GRM8: variants seen among roughly 807,000 people sequenced by gnomAD.
GRM8 encodes metabotropic glutamate receptor 8.
In GRM8, 47 loss-of-function variants were observed where a neutral mutation model predicts 87.2. The observed-to-expected ratio is 0.54, with a 90% CI of 0.43 to 0.69. The LOEUF (loss-of-function observed/expected upper bound fraction) is 0.69, where lower values mean the gene tolerates loss of function less well. Ranked by LOEUF, GRM8 falls within the 30% of genes least tolerant of loss-of-function variation. GRM8 has a pLI of 0.00. For synonymous variants in GRM8, 396 were observed against 404.5 expected, an observed-to-expected ratio of 0.98 and a Z score of 0.25; for missense variants, 1,019 against 1,139.2, an observed-to-expected ratio of 0.89 and a Z score of 1.52.
chr7:126,856,180 G>A (rs997643006), intron 6 of GRM8, among the ~76,000 whole-genome samples: 1 of 151,646 alleles, frequency 6.6e-6, no homozygotes, highest in African/African-American at 2.4e-5. Flanking sequence ...TATGCAAAAT[G>A]TTACAACTAC....
intron 6 of GRM8, among the ~76,000 whole-genome samples, chr7:126,844,912 G>A (rs1796583659): frequency 1.3e-5 from 2 of 152,288 alleles, no homozygotes; most frequent in South Asian, 2.1e-4. Flanking sequence ...TTGGAGGTTA[G>A]GGCTCCAACA....
Position 127,158,515 on chromosome 7 carries a change from A to G in GRM8, c.511-51803T>C, listed in dbSNP as rs1233893723. Reference sequence around the variant, plus strand: ...TAAACAACAGAAAGTTATTTCTCACAGTTTCAAAGGCAGGGACGTCCAAGA... The same window carrying G: ...TAAACAACAGAAAGTTATTTCTCACGGTTTCAAAGGCAGGGACGTCCAAGA... On this transcript the variant is annotated intron_variant, in intron 2 of 10. Coordinates refer to ENST00000339582, the MANE Select transcript of GRM8 (RefSeq NM_000845.3). Among the ~76,000 whole-genome samples the G allele has an allele frequency of 2.6e-5, 4 of 152,202 alleles. No individual in the cohort carries two copies. The South Asian group carries it at 6.2e-4, about 24-fold the overall frequency.
At chr7:127,024,081 T>C (rs1431825830) in intron 3 of GRM8, among the ~76,000 whole-genome samples, 1 of 152,110 alleles carries the variant, frequency 6.6e-6, no homozygotes, top group East Asian at 1.9e-4. Context: ...AAAGAGGGAA[T>C]TTAGTCAAAT....
At chr7:126,672,593 T>C (rs1390531723) in intron 7 of GRM8, among the ~76,000 whole-genome samples, 1 of 152,152 alleles carries the variant, frequency 6.6e-6, no homozygotes, top group Non-Finnish European at 1.5e-5. Context: ...AACCTTAAAC[T>C]TGTTGGCTCA....
chr7:127,212,420 T>A (rs1796268975), intron 2 of GRM8, among the ~76,000 whole-genome samples: 3 of 126,458 alleles, frequency 2.4e-5, no homozygotes, highest in Admixed American at 7.6e-5. Flanking sequence ...ATTTTTTTTT[T>A]TTTTTTTTTT....
At chr7:127,158,804 CA>C (rs34256368) in intron 2 of GRM8, among the ~76,000 whole-genome samples, 30,770 of 143,718 alleles carry the variant, frequency 0.21, 3,372 homozygotes, top group Middle Eastern at 0.32. Context: ...CCATCTATAC[CA>C]AAAAAAAAAA....
At chr7:126,926,144 GTA>G (rs1033749468) in intron 3 of GRM8, among the ~76,000 whole-genome samples, 4 of 152,106 alleles carry the variant, frequency 2.6e-5, no homozygotes, top group African/African-American at 9.7e-5. Context: ...ATCATACTAT[GTA>G]AGTGTTAAAT....
intron 6 of GRM8, among the ~76,000 whole-genome samples, chr7:126,844,683 C>T (rs928960256): frequency 6.6e-6 from 1 of 152,120 alleles, no homozygotes; most frequent in Non-Finnish European, 1.5e-5. Context: ...CCACCATGGT[C>T]AGGTTCTGGG....
intron 7 of GRM8, among the ~76,000 whole-genome samples, chr7:126,714,959 T>C (rs578036736): frequency 2.6e-4 from 40 of 152,278 alleles, no homozygotes; most frequent in South Asian, 1.2e-3. Context: ...TAAGTGTATG[T>C]CATCTGTTGT....
At chr7:126,828,240 G>A (rs1194803560) in intron 6 of GRM8, among the ~76,000 whole-genome samples, 21 of 150,774 alleles carry the variant, frequency 1.4e-4, no homozygotes, top group South Asian at 4.3e-4. Context: ...ATGAGTTAGG[G>A]AGGATTCCCT....
intron 7 of GRM8, among the ~76,000 whole-genome samples, chr7:126,704,608 C>T (rs916004081): frequency 1.1e-4 from 17 of 152,104 alleles, no homozygotes; most frequent in African/African-American, 4.1e-4. Flanking sequence ...CAGCAAGGAA[C>T]ATCCCTGAGA....
intron 2 of GRM8, among the ~76,000 whole-genome samples, chr7:127,213,191 G>A (rs1178828120): frequency 2.6e-5 from 4 of 152,148 alleles, no homozygotes; most frequent in Admixed American, 1.3e-4. Flanking sequence ...CCGAATGCCT[G>A]GAACTTCACT....
At chr7:126,503,449 G>T (rs542880714) in intron 9 of GRM8, among the ~76,000 whole-genome samples, 1 of 152,050 alleles carries the variant, frequency 6.6e-6, no homozygotes, top group East Asian at 2.0e-4. Context: ...ATCAAATATT[G>T]ACATGAGCAC....
At chr7:126,709,484 G>C (rs1040449819) in intron 7 of GRM8, among the ~76,000 whole-genome samples, 5 of 151,740 alleles carry the variant, frequency 3.3e-5, no homozygotes, top group Admixed American at 6.6e-5. Context: ...AGAGGAAGAA[G>C]AAGAAGGAGG....
intron 9 of GRM8, among the ~76,000 whole-genome samples, chr7:126,499,096 G>A (rs1809231382): frequency 6.6e-6 from 1 of 151,854 alleles, no homozygotes; most frequent in African/African-American, 2.4e-5. Context: ...TTCCGTTTAT[G>A]AAGTTGTTGT....
intron 3 of GRM8, among the ~76,000 whole-genome samples, chr7:126,991,867 G>T (rs1812691825): frequency 6.6e-6 from 1 of 152,086 alleles, no homozygotes; most frequent in African/African-American, 2.4e-5. Flanking sequence ...GAAAAATTAA[G>T]TTCCATAATA....
At chr7:126,709,889 C>T (rs1810930137) in intron 7 of GRM8, among the ~76,000 whole-genome samples, 1 of 152,060 alleles carries the variant, frequency 6.6e-6, no homozygotes, top group Non-Finnish European at 1.5e-5. Context: ...ACTCAGGGGA[C>T]ATAATGCTAT....
intron 6 of GRM8, among the ~76,000 whole-genome samples, chr7:126,770,584 T>C (rs1449792237): frequency 1.3e-5 from 2 of 152,042 alleles, no homozygotes; most frequent in African/African-American, 2.4e-5. Context: ...TTTATAATAA[T>C]CATTCAATTT....
rs184124227 is a variant in GRM8 at position 126,695,562 on chromosome 7, C to T, written c.1357+74303G>A. On this transcript the variant is annotated intron_variant, in intron 7 of 10. Coordinates refer to ENST00000339582, the MANE Select transcript of GRM8 (RefSeq NM_000845.3). The stretch of plus-strand genomic sequence containing the variant: ...GGCAGAAGAAAGCATATTAGAAGGC[C>T]CAATGCTGTGAGAAATAACCTATTT... Among the ~76,000 whole-genome samples, 92 of 152,064 alleles carry T rather than the reference C, an allele frequency of 6.1e-4. No individual in the cohort carries two copies. In the East Asian group the frequency reaches 0.014, roughly 23 times the overall value.
Sources: allele counts gnomAD v4.1 joint callset (sites outside exome capture counted in the v4.1 genomes callset), GRCh38; gene constraint gnomAD v4.1.1; transcripts MANE v1.5; gene names NCBI Gene and HGNC (gene_info 2026-07-23, HGNC 2026-07-21).